Variants in LMO7 observed in about 807,000 individuals in gnomAD.
The protein encoded by LMO7 is LIM domain 7.
Under a neutral mutation model 206.5 loss-of-function variants are expected in LMO7, and 120 were observed. That is an observed-to-expected ratio of 0.58 (90% CI 0.50 to 0.68). The LOEUF is 0.68. Among genes scored for constraint, LMO7 ranks in the 30% least tolerant of loss-of-function variants. The pLI is 0.00. For synonymous variants in LMO7, 706 were observed against 681.5 expected, an observed-to-expected ratio of 1.04 and a Z score of -0.56; for missense variants, 1,959 against 1,957.9, an observed-to-expected ratio of 1.00 and a Z score of -0.01.
rs761445198 is a variant in LMO7, at chr13:75,853,076, C to CT, written c.4365-10dup. 1.0e-5 allele frequency: 16 copies of CT among 1,569,668 alleles called. No individual in the cohort carries two copies. Among genetic ancestry groups the CT allele is most frequent in the South Asian group, 7.0e-5 (6 of 85,514 alleles). On this transcript the variant is annotated splice_polypyrimidine_tract_variant and intron_variant, in intron 27 of 30. Transcript: ENST00000377534. ...AACATGTCACATTATTTTGATGAGT[C>CT]TTTTTTGTGTTTCAGAGGCGAATCT...
chr13:75,789,142 G>A (rs2052886731), intron 4 of LMO7: 1 of 152,008 alleles, frequency 6.6e-6, no homozygotes, highest in African/African-American at 2.4e-5. Context: ...CTTCCCCCGG[G>A]GATTCTTTGG....
chr13:75,845,922 G>T (rs185794397), intron 26 of LMO7, among the ~76,000 whole-genome samples: 35 of 152,058 alleles, frequency 2.3e-4, no homozygotes, highest in Non-Finnish European at 4.7e-4. Flanking sequence ...TTTAAGCAGG[G>T]TTTGCATATC....
chr13:75,781,019 T>A (rs2051248431), intron 4 of LMO7, among the ~76,000 whole-genome samples: 2 of 151,774 alleles, frequency 1.3e-5, no homozygotes. Context: ...GCACCTGTAC[T>A]TTAAAAAATA....
At chr13:75,703,838 G>A (rs985593552) in intron 1 of LMO7, among the ~76,000 whole-genome samples, 5 of 152,120 alleles carry the variant, frequency 3.3e-5, no homozygotes, top group African/African-American at 1.2e-4. Flanking sequence ...TCTATTCAGG[G>A]ACAGGAAAGA....
chr13:75,795,538 T>A, intron 5 of LMO7, 107 bp downstream of exon 5: 1 of 771,962 alleles, frequency 1.3e-6, no homozygotes, highest in East Asian at 2.7e-5. Flanking sequence ...TTCTAATTAA[T>A]TTTTTGCTAC....
chr13:75,748,515 C>T (rs1464198425), intron 3 of LMO7, among the ~76,000 whole-genome samples: 3 of 152,142 alleles, frequency 2.0e-5, no homozygotes, highest in Admixed American at 1.3e-4. Context: ...TGTTACCTGG[C>T]ATATCGTAAG....
intron 15 of LMO7, among the ~76,000 whole-genome samples, chr13:75,824,739 C>T (rs193188096): frequency 2.8e-4 from 43 of 151,854 alleles, no homozygotes; most frequent in African/African-American, 1.0e-3. Flanking sequence ...TCCCTGTTGC[C>T]CTGCAAAACA....
chr13:75,699,461 G>A (rs1301959292), intron 1 of LMO7, among the ~76,000 whole-genome samples: 3 of 147,732 alleles, frequency 2.0e-5, no homozygotes, highest in African/African-American at 7.5e-5. Flanking sequence ...ATATTTCAAT[G>A]TAGGTTATTT....
At chr13:75,774,313 CTGTTG>C (rs2050110730) in intron 4 of LMO7, among the ~76,000 whole-genome samples, 1 of 152,016 alleles carries the variant, frequency 6.6e-6, no homozygotes, top group Non-Finnish European at 1.5e-5. Flanking sequence ...AGTATGTAGT[CTGTTG>C]TGTTTTATCC....
rs529257841 is a variant in LMO7 at position 75,802,731 on chromosome 13, G to A, written c.662-1558G>A. On this transcript the variant is annotated intron_variant, in intron 7 of 30. Transcript: ENST00000377534. ...GAAGTCTTGGAAATTACAACTAAGCGGGGAAAAAAAGCCTGGGATGGAGGC... is the reference window on the plus strand; with the variant it reads ...GAAGTCTTGGAAATTACAACTAAGCAGGGAAAAAAAGCCTGGGATGGAGGC... Among the ~76,000 whole-genome samples the A allele has an allele frequency of 6.6e-5, 10 of 152,192 alleles. 1 individual carries two copies. The highest frequency in any genetic ancestry group is 9.6e-5 in the African/African-American group (4 of 41,530).
Position 75,792,533 on chromosome 13 carries a change from C to T in LMO7, c.318-2868C>T, listed in dbSNP as rs58683158. ...TGTCTTATATTTCATTCTGAGGTGT[C>T]GTGCAGTAAGTAGGCTGGTTCATGG... On this transcript the variant is annotated intron_variant, in intron 4 of 30. Coordinates refer to ENST00000377534, the MANE Select transcript of LMO7 (RefSeq NM_001306080.2). 2.4e-3 allele frequency among the ~76,000 whole-genome samples: 365 copies of T among 152,274 alleles called. 5 individuals are homozygous for T. The highest frequency in any genetic ancestry group is 8.4e-3 in the African/African-American group (349 of 41,530).
chr13:75,811,201 T>A (rs1406957270), intron 11 of LMO7, among the ~76,000 whole-genome samples: 2 of 137,244 alleles, frequency 1.5e-5, no homozygotes, highest in African/African-American at 2.8e-5. Flanking sequence ...TTTCTTTTTT[T>A]CTTTCTCTTT....
At chr13:75,840,994 A>G in intron 22 of LMO7, 115 bp from the exon 23 acceptor site, 1 of 655,542 alleles carries the variant, frequency 1.5e-6, no homozygotes, top group Non-Finnish European at 2.6e-6. Context: ...AAAATAAATC[A>G]TGGTCTTTAA....
intron 4 of LMO7, among the ~76,000 whole-genome samples, chr13:75,781,190 A>G (rs1296697943): frequency 2.8e-5 from 4 of 144,444 alleles, no homozygotes; most frequent in Non-Finnish European, 6.0e-5. Flanking sequence ...GGTTAGCTAC[A>G]TATGTATACA....
At chr13:75,855,468 G>GGT in intron 29 of LMO7, 100 bp downstream of exon 29, 1 of 655,082 alleles carries the variant, frequency 1.5e-6, no homozygotes, top group Non-Finnish European at 2.7e-6. Flanking sequence ...TAACAAGCTA[G>GGT]GTGCTGTATT....
rs765977360 is a variant in LMO7, at chr13:75,823,770, C to T, written c.2846C>T (p.Ala949Val). 2 of 1,614,094 alleles carry T rather than the reference C, an allele frequency of 1.2e-6. No individual in the cohort carries two copies. The highest frequency in any genetic ancestry group is 2.2e-5 in the South Asian group (2 of 91,080). ...SPFSSLSQDQ[A>V]ATSKATLSST... ...TTCTCATCTCTTTCCCAAGACCAGG[C>T]TGCCACTTCTAAAGCCACATTGTCT... Residue 949 changes from alanine (A) to valine (V), a missense_variant, in exon 15 of 31, where the codon GCT becomes GTT. Physicochemically the swap from Ala to Val is moderately conservative, Grantham distance 64. Coordinates refer to ENST00000377534, the MANE Select transcript of LMO7 (RefSeq NM_001306080.2).
At chr13:75,834,555 CTCTG>C (rs75783263) in intron 17 of LMO7, among the ~76,000 whole-genome samples, 168 bp downstream of exon 17, 19,822 of 152,098 alleles carry the variant, frequency 0.13, 1,684 homozygotes, top group Admixed American at 0.21. Context: ...CCTTTGAATA[CTCTG>C]TCTGGATTTT....
intron 4 of LMO7, among the ~76,000 whole-genome samples, chr13:75,781,160 G>T: frequency 7.6e-6 from 1 of 132,436 alleles, no homozygotes; most frequent in African/African-American, 2.8e-5. Context: ...AAGTTTTAGG[G>T]TACATGTGCA....
intron 1 of LMO7, among the ~76,000 whole-genome samples, chr13:75,654,877 T>TTTA (rs386379802): frequency 1.2e-4 from 4 of 33,562 alleles, no homozygotes; most frequent in African/African-American, 3.6e-4. Flanking sequence ...CTCTTCTCTC[T>TTTA]TTTTTTTTTT....
Sources: allele counts gnomAD v4.1 joint callset (sites outside exome capture counted in the v4.1 genomes callset), GRCh38; gene constraint gnomAD v4.1.1; transcripts MANE v1.5; gene names NCBI Gene and HGNC (gene_info 2026-07-23, HGNC 2026-07-21).